Variants in GPLD1 observed in about 807,000 individuals in gnomAD.
GPLD1 encodes the protein glycosylphosphatidylinositol specific phospholipase D1.
GPLD1 carries 84 observed loss-of-function variants against 112.6 expected under a neutral mutation model. The ratio of observed to expected loss-of-function variants is 0.75; its 90% CI spans 0.63 to 0.89. The LOEUF is 0.89. GPLD1 is among the 40% of genes least tolerant of loss of function. GPLD1 has a pLI of 0.00. For synonymous variants in GPLD1, 386 were observed against 403.8 expected (o/e 0.96, Z 0.53); for missense variants, 1,044 against 1,051.5 (o/e 0.99, Z 0.10).
intron 12 of GPLD1, 110 bp downstream of exon 12, chr6:24,460,169 C>T (rs1763388833): frequency 1.5e-6 from 2 of 1,297,722 alleles, no homozygotes; most frequent in Admixed American, 1.8e-5. Context: ...GCCACCACAT[C>T]CCACCACAGG....
chr6:24,473,687 A>T lies in GPLD1; in HGVS notation c.442-20T>A. The T allele has an allele frequency of 6.4e-7, 1 of 1,569,484 alleles. No individual in the cohort carries two copies. Among genetic ancestry groups the T allele is most frequent in the South Asian group, 1.1e-5 (1 of 89,370 alleles). ...ATCAATCTAAGAAAGAAAGAGAACC[A>T]TCTGGTGTGTATTACAAATTGTAGC... On this transcript the variant is annotated intron_variant, in intron 5 of 24. Coordinates refer to ENST00000230036, the MANE Select transcript of GPLD1 (RefSeq NM_001503.4).
upstream of GPLD1, among the ~76,000 whole-genome samples, chr6:24,493,719 G>A (rs1175647694): frequency 3.3e-5 from 5 of 152,140 alleles, no homozygotes; most frequent in African/African-American, 4.8e-5. Context: ...ATATGTGACT[G>A]GCTCAAAACT....
At chr6:24,475,728 G>A (rs937515668) in intron 4 of GPLD1, among the ~76,000 whole-genome samples, 16 of 151,140 alleles carry the variant, frequency 1.1e-4, no homozygotes, top group African/African-American at 3.7e-4. Context: ...CGTGGTGGCG[G>A]GCGCCTGTAG....
In GPLD1 at chr6:24,467,314, G is replaced by C. The variant is rs374377898; in HGVS notation, c.546-40C>G. On this transcript the variant is annotated intron_variant, in intron 7 of 24. Transcript: ENST00000230036. ...ATAAAGTAAGAGTTGTTTTGATTCT[G>C]AAGCTGAAAATAGTAACAACAGCAG... The C allele has an allele frequency of 1.5e-5, 17 of 1,098,164 alleles. 1 individual carries two copies. Among genetic ancestry groups the C allele is most frequent in the Middle Eastern group, 2.0e-4 (1 of 5,100 alleles). 68.0% of individuals were successfully genotyped at this position (1,098,164 alleles called of 1,614,324 possible).
intron 18 of GPLD1, among the ~76,000 whole-genome samples, chr6:24,446,442 G>A (rs1258341428): frequency 6.6e-6 from 1 of 152,012 alleles, no homozygotes; most frequent in African/African-American, 2.4e-5. Flanking sequence ...AGCCTGCAGT[G>A]AGTTACCACT....
intron 15 of GPLD1, 49 bp downstream of exon 15, chr6:24,449,740 C>T: frequency 1.5e-6 from 2 of 1,312,948 alleles, no homozygotes; most frequent in Non-Finnish European, 2.2e-6. Flanking sequence ...CTCAGAGTCC[C>T]CTCCCTGCCA....
intron 12 of GPLD1, among the ~76,000 whole-genome samples, chr6:24,458,492 A>G (rs963179223): frequency 2.8e-5 from 4 of 141,840 alleles, no homozygotes; most frequent in African/African-American, 1.1e-4. Context: ...ACAAAATGAC[A>G]TGTGCTTTGA....
In GPLD1 at chr6:24,456,934, G is replaced by A. The variant is rs527286222; in HGVS notation, c.1009-297C>T. On this transcript the variant is annotated intron_variant, in intron 12 of 24. Transcript: ENST00000230036. ...TCACCAGGCTGGAGTGCAGTGGCAC[G>A]ATCTCAACTCACTGCAACCTCCGCC... is the stretch of plus-strand genomic sequence containing the variant. Among the ~76,000 whole-genome samples the A allele has an allele frequency of 5.9e-5, 9 of 152,212 alleles. No individual in the cohort carries two copies. In the East Asian group the frequency reaches 7.8e-4, roughly 13 times the overall value.
intron 13 of GPLD1, among the ~76,000 whole-genome samples, chr6:24,455,737 C>T (rs2127344527): frequency 6.6e-6 from 1 of 152,278 alleles, no homozygotes; most frequent in African/African-American, 2.4e-5. Context: ...AATTTATCTC[C>T]AAGAACATCA....
chr6:24,432,899 T>C (rs1291124451), intron 24 of GPLD1, among the ~76,000 whole-genome samples: 2 of 152,254 alleles, frequency 1.3e-5, no homozygotes, highest in African/African-American at 4.8e-5. Context: ...CTGTTTTGAT[T>C]TCTTTTCAAC....
chr6:24,436,257 A>G (rs1184202049), intron 22 of GPLD1, among the ~76,000 whole-genome samples: 3 of 152,142 alleles, frequency 2.0e-5, no homozygotes, highest in Non-Finnish European at 2.9e-5. Flanking sequence ...ACCCGTCTCT[A>G]TTTTAAAAAG....
chr6:24,481,242 T>C (rs1764191797), intron 2 of GPLD1, among the ~76,000 whole-genome samples: 2 of 152,188 alleles, frequency 1.3e-5, no homozygotes, highest in Non-Finnish European at 2.9e-5. Context: ...ATTCCTGGTA[T>C]TAATCCTTTC....
chr6:24,437,063 C>G (rs1263725668), intron 21 of GPLD1, 50 bp downstream of exon 21: 1 of 1,546,578 alleles, frequency 6.5e-7, no homozygotes, highest in East Asian at 2.3e-5. Flanking sequence ...GGACCCACCC[C>G]CTGGGCAAAG....
At chr6:24,463,360 G>GA (rs1342204131) in intron 10 of GPLD1, among the ~76,000 whole-genome samples, 2 of 152,180 alleles carry the variant, frequency 1.3e-5, no homozygotes, top group Admixed American at 1.3e-4. Flanking sequence ...GAGTATTCTG[G>GA]AATGAAGACT....
rs2127346369 is a variant in GPLD1, at chr6:24,457,781, G to A, written c.1009-1144C>T. Reference sequence around the variant, plus strand: ...CCAGCTACTTGGGAGGCTGAGGCAGGAAAATCGCTTGAACCTGGGAGATGG... The same window carrying A: ...CCAGCTACTTGGGAGGCTGAGGCAGAAAAATCGCTTGAACCTGGGAGATGG... On this transcript the variant is annotated intron_variant, in intron 12 of 24. Transcript: ENST00000230036. 1.3e-5 allele frequency among the ~76,000 whole-genome samples: 2 copies of A among 151,846 alleles called. 1 individual carries two copies. Among genetic ancestry groups the A allele is most frequent in the South Asian group, 4.2e-4 (2 of 4,804 alleles).
chr6:24,470,601 CTTTT>C (rs202142381), intron 7 of GPLD1, among the ~76,000 whole-genome samples: 2 of 151,278 alleles, frequency 1.3e-5, no homozygotes, highest in South Asian at 2.1e-4. Context: ...ATTTTTTTTT[CTTTT>C]TTTATTTTTT....
chr6:24,475,352 C>T (rs543840260), intron 4 of GPLD1, 121 bp from the exon 5 acceptor site: 10 of 640,230 alleles, frequency 1.6e-5, no homozygotes, highest in African/African-American at 1.5e-4. Flanking sequence ...AAATTTCAGG[C>T]AAGTAAATTG....
chr6:24,486,481 G>C (rs1458458861), intron 1 of GPLD1, among the ~76,000 whole-genome samples: 2 of 152,132 alleles, frequency 1.3e-5, no homozygotes, highest in African/African-American at 4.8e-5. Context: ...TAAATGCTAA[G>C]TGACAAGCAC....
chr6:24,444,773 C>T (rs1762853812), intron 20 of GPLD1, among the ~76,000 whole-genome samples: 1 of 152,006 alleles, frequency 6.6e-6, no homozygotes, highest in Admixed American at 6.6e-5. Flanking sequence ...TCACTTTGCC[C>T]AGGAGGTCAA....
Sources: gnomAD v4.1 joint callset for allele counts (sites outside exome capture counted in the v4.1 genomes callset) on GRCh38, gnomAD v4.1.1 for gene constraint, MANE v1.5 for transcripts, NCBI Gene and HGNC (gene_info 2026-07-23, HGNC 2026-07-21) for gene names.